KCNAB2: variants seen among roughly 807,000 people sequenced by gnomAD.
KCNAB2 encodes voltage-gated potassium channel subunit beta-2.
In KCNAB2, 29 loss-of-function variants were observed where a neutral mutation model predicts 63.6. That is an observed-to-expected ratio of 0.46 (90% confidence interval 0.34 to 0.62). The LOEUF (loss-of-function observed/expected upper bound fraction) is 0.62. KCNAB2 is among the 20% of genes least tolerant of loss of function. KCNAB2 has a pLI of 0.01. For synonymous variants in KCNAB2, 222 were observed against 224.2 expected, an observed-to-expected ratio of 0.99 and a Z score of 0.09; for missense variants, 359 against 563.9, an observed-to-expected ratio of 0.64 and a Z score of 3.68.
chr1:6,006,706 T>C (rs4357551), intron 1 of KCNAB2, among the ~76,000 whole-genome samples: 509 of 37,416 alleles, frequency 0.014, 18 homozygotes, highest in Middle Eastern at 0.021. Context: ...ATCCCCCACT[T>C]CACCCTCACT....
Position 6,096,303 on chromosome 1 carries a change from T to C in KCNAB2, c.949-333T>C, listed in dbSNP as rs749609419. ...CCAGGAGGTTCTTCTGGGCCACGGG[T>C]GGCAGCCGAGACCCCAGGCTGCCAA... On this transcript the variant is annotated intron_variant, in intron 13 of 15. Transcript: ENST00000378083. The surrounding 1 kb of genome is among the most constrained non-coding windows in gnomAD (Gnocchi z 5.9). 5.0e-6 allele frequency: 2 copies of C among 401,098 alleles called. No homozygotes were observed. The highest frequency in any genetic ancestry group is 9.5e-6 in the Non-Finnish European group (2 of 209,592). The allele number at this position is 401,098 out of a possible 1,614,324, so 24.8% of individuals were successfully genotyped here.
intron 13 of KCNAB2, 100 bp downstream of exon 13, chr1:6,095,724 G>T: frequency 8.8e-7 from 1 of 1,133,888 alleles, no homozygotes. Context: ...AGGGGTTCCG[G>T]GAGCTGCAGC....
At chr1:6,053,569 A>G (rs1661560956) in intron 2 of KCNAB2, among the ~76,000 whole-genome samples, 1 of 152,198 alleles carries the variant, frequency 6.6e-6, no homozygotes, top group Non-Finnish European at 1.5e-5. Context: ...TCTGGAATGG[A>G]TGCCTCTCTC....
In KCNAB2 at chr1:6,046,245, C is replaced by T. The variant is rs1042870337; in HGVS notation, c.-27+62C>T. 20 of 965,330 alleles carry T rather than the reference C, an allele frequency of 2.1e-5. No individual in the cohort carries two copies. In the African/African-American group the frequency reaches 2.1e-4, roughly 10 times the overall value. The allele number at this position is 965,330 out of a possible 1,614,324, so 59.8% of individuals were successfully genotyped here. A position where few individuals can be genotyped will look rare whatever the true frequency, so the allele number is the denominator to read the frequency against. ...GATGCCGCTTGGGGGCACGCATCCG[C>T]GGGAATGAAAAATAACAGAGGAGAC... is the stretch of plus-strand genomic sequence containing the variant. On this transcript the variant is annotated intron_variant, in intron 1 of 15. Transcript: ENST00000378083.
intron 1 of KCNAB2, among the ~76,000 whole-genome samples, chr1:6,001,444 G>A (rs921611779): frequency 2.6e-5 from 4 of 152,194 alleles, no homozygotes; most frequent in African/African-American, 9.7e-5. Context: ...TGGGAGGGAT[G>A]CCTAGGAGAG....
intron 1 of KCNAB2, among the ~76,000 whole-genome samples, chr1:5,993,599 T>A (rs1224681479): frequency 6.6e-6 from 1 of 152,110 alleles, no homozygotes; most frequent in Non-Finnish European, 1.5e-5. Context: ...CTGCCCACCT[T>A]CCCACCCCGC....
intron 8 of KCNAB2, 138 bp downstream of exon 8, chr1:6,089,189 C>A: frequency 1.1e-6 from 1 of 926,474 alleles, no homozygotes; most frequent in Non-Finnish European, 1.7e-6. Context: ...GTGCTCTGGC[C>A]TGACCTTCTC....
chr1:6,015,016 CT>C (rs34742623), intron 1 of KCNAB2, among the ~76,000 whole-genome samples: 3,011 of 82,552 alleles, frequency 0.036, 19 homozygotes, highest in African/African-American at 0.078. Flanking sequence ...GGTCACCTTC[CT>C]TTTTTTTTTT....
rs201396829 is a variant in KCNAB2, at chr1:6,062,316, C to CA, written c.219-10428dup. On this transcript the variant is annotated intron_variant, in intron 2 of 15. Transcript: ENST00000378083. The stretch of plus-strand genomic sequence containing the variant: ...GCAACAAGAAAAAAAAAAAGAAGTC[C>CA]AAAAAAAAAAAGTCCAGTGTCTCTA... 5.8e-3 allele frequency among the ~76,000 whole-genome samples: 837 copies of CA among 143,164 alleles called. 5 individuals are homozygous for CA. The highest frequency in any genetic ancestry group is 0.019 in the African/African-American group (734 of 39,216). 93.9% of individuals were successfully genotyped at this position (143,164 alleles called of 152,430 possible).
intron 4 of KCNAB2, among the ~76,000 whole-genome samples, chr1:6,076,464 A>G (rs1663671197): frequency 6.6e-6 from 1 of 152,252 alleles, no homozygotes; most frequent in Non-Finnish European, 1.5e-5. Flanking sequence ...CATTAGAAGC[A>G]TGTGTTCAAG....
At position 5,999,792 on chromosome 1, in the gene KCNAB2, C is replaced by G. The variant is rs141793919; in HGVS notation, c.-53+7004C>G. Among the ~76,000 whole-genome samples, 839 of 152,206 alleles carry G rather than the reference C, an allele frequency of 5.5e-3. 3 individuals are homozygous for G. The highest frequency in any genetic ancestry group is 9.0e-3 in the Non-Finnish European group (611 of 67,988). On this transcript the variant is annotated intron_variant, in intron 1 of 16. Transcript: ENST00000341524. Reference sequence around the variant, plus strand: ...TCACCTGCCTGTGCCCTGATTGTACCCCATCTGCACCGTGTCTGCACCCTG... The same window carrying G: ...TCACCTGCCTGTGCCCTGATTGTACGCCATCTGCACCGTGTCTGCACCCTG...
chr1:6,044,614 A>T (rs1660769326), upstream of KCNAB2, among the ~76,000 whole-genome samples: 1 of 152,106 alleles, frequency 6.6e-6, no homozygotes, highest in South Asian at 2.1e-4. Flanking sequence ...ATGCCTAGCG[A>T]TGGGGCACAG....
At chr1:6,079,508 G>C (rs1328524545) in intron 4 of KCNAB2, among the ~76,000 whole-genome samples, 1 of 148,584 alleles carries the variant, frequency 6.7e-6, no homozygotes, top group Admixed American at 6.7e-5. Context: ...AACAGAATGA[G>C]ACTCCATCTC....
intron 5 of KCNAB2, among the ~76,000 whole-genome samples, chr1:6,084,553 C>T (rs185134455): frequency 2.6e-5 from 4 of 152,340 alleles, no homozygotes; most frequent in Admixed American, 6.5e-5. Flanking sequence ...CGGTGGCTCA[C>T]GCCTGGAATC....
chr1:6,064,883 A>C (rs1301097465), intron 2 of KCNAB2, among the ~76,000 whole-genome samples: 1 of 152,110 alleles, frequency 6.6e-6, no homozygotes, highest in African/African-American at 2.4e-5. Context: ...GGATGAAGTA[A>C]AGTAGGGCAG....
Position 6,027,298 on chromosome 1 carries a change from G to A in KCNAB2, c.-52-13219G>A, listed in dbSNP as rs567509559. On this transcript the variant is annotated intron_variant, in intron 1 of 16. Transcript: ENST00000341524. ...TGGACGGCTGAAGGGAGGAGGCCGG[G>A]GGCCTGGGTGTGCGGCTATGGGGAC... The A allele has an allele frequency of 2.6e-5, 4 of 155,912 alleles. No homozygotes were observed. The East Asian group carries it at 5.7e-4, about 22-fold the overall frequency. 9.7% of individuals were successfully genotyped at this position (155,912 alleles called of 1,614,324 possible). A position where few individuals can be genotyped will look rare whatever the true frequency, so the allele number is the denominator to read the frequency against.
chr1:6,004,462 C>T (rs1453178196), intron 1 of KCNAB2, among the ~76,000 whole-genome samples: 1 of 151,996 alleles, frequency 6.6e-6, no homozygotes, highest in Admixed American at 6.6e-5. Flanking sequence ...ATCAGGAAGC[C>T]AGAAGGCAAG....
At chr1:6,080,758 C>T (rs1255719255) in intron 4 of KCNAB2, among the ~76,000 whole-genome samples, 1 of 152,198 alleles carries the variant, frequency 6.6e-6, no homozygotes, top group African/African-American at 2.4e-5. Context: ...TGGGCATGGG[C>T]CTTCTCCCAT....
At chr1:6,053,937 G>A (rs1018526530) in intron 2 of KCNAB2, among the ~76,000 whole-genome samples, 1 of 151,802 alleles carries the variant, frequency 6.6e-6, no homozygotes, top group African/African-American at 2.4e-5. Flanking sequence ...CAGCTACACA[G>A]GCGGCTGATG....
Sources: gnomAD v4.1 joint callset for allele counts (sites outside exome capture counted in the v4.1 genomes callset) on GRCh38, gnomAD v4.1.1 for gene constraint, Gnocchi (gnomAD v3.1) non-coding constraint, MANE v1.5 for transcripts, NCBI Gene and HGNC (gene_info 2026-07-23, HGNC 2026-07-21) for gene names.